Variants in CELF2 observed in about 807,000 individuals in gnomAD.
The protein encoded by CELF2 is CUG triplet repeat RNA-binding protein 2.
Under a neutral mutation model 62.6 loss-of-function variants are expected in CELF2, and 8 were observed. The observed-to-expected ratio is 0.13, with a 90% CI of 0.07 to 0.23. The LOEUF (loss-of-function observed/expected upper bound fraction) is 0.23. CELF2 is among the 10% of genes least tolerant of loss of function. CELF2 has a pLI of 1.00. For synonymous variants in CELF2, 258 were observed against 250.0 expected, an observed-to-expected ratio of 1.03 and a Z score of -0.30; for missense variants, 333 against 671.0, an observed-to-expected ratio of 0.50 and a Z score of 5.56.
chr10:11,324,793 G>A lies in CELF2; in HGVS notation c.1295-1043G>A, dbSNP rs1169652434. Among the ~76,000 whole-genome samples the A allele has an allele frequency of 6.6e-6, 1 of 152,258 alleles. No individual in the cohort carries two copies. Among genetic ancestry groups the A allele is most frequent in the East Asian group, 1.9e-4 (1 of 5,184 alleles). ...CCTTCCCACATCTAGGGACCCCAGT[G>A]CAGCTATCCCCTGGGGTTGCCTAGT... On this transcript the variant is annotated intron_variant, in intron 11 of 12. Transcript: ENST00000633077. This position sits in a 1 kb window ranked among gnomAD's most constrained non-coding sequence, Gnocchi z 4.7.
At chr10:10,668,548 A>T in the CELF2 span, among the ~76,000 whole-genome samples, 2 of 152,228 alleles carry the variant, frequency 1.3e-5, no homozygotes, top group Admixed American at 1.3e-4. Context: ...CATGTCAAAG[A>T]CACTTAATAT....
At chr10:10,757,923 A>G in the CELF2 span, among the ~76,000 whole-genome samples, 4 of 151,994 alleles carry the variant, frequency 2.6e-5, no homozygotes, top group African/African-American at 9.7e-5. Flanking sequence ...CTAGGCCCCT[A>G]TGGAACCACA....
At chr10:11,215,460 G>A (rs2063089680) in intron 2 of CELF2, among the ~76,000 whole-genome samples, 1 of 152,138 alleles carries the variant, frequency 6.6e-6, no homozygotes, top group African/African-American at 2.4e-5. Context: ...AACTGGCATC[G>A]GTTTTTCATC....
intron 2 of CELF2, among the ~76,000 whole-genome samples, chr10:10,965,140 T>G (rs1326001839): frequency 6.6e-6 from 1 of 152,238 alleles, no homozygotes; most frequent in Admixed American, 6.5e-5. Context: ...TCATTATTAT[T>G]TATTTGTAAG....
chr10:10,961,931 A>C lies in CELF2; in HGVS notation c.89+41932A>C, dbSNP rs192292397. ...CCAAAAAACTAATCTCAAATTAACA[A>C]AGGCTGTCCTCTTACAGCCAGGTGC... On this transcript the variant is annotated intron_variant, in intron 2 of 13. Transcript: ENST00000636488. Among the ~76,000 whole-genome samples, 381 of 151,568 alleles carry C rather than the reference A, an allele frequency of 2.5e-3. 4 individuals are homozygous for C. The highest frequency in any genetic ancestry group is 8.8e-3 in the African/African-American group (364 of 41,346).
At chr10:10,630,602 A>T in the CELF2 span, among the ~76,000 whole-genome samples, 1 of 152,212 alleles carries the variant, frequency 6.6e-6, no homozygotes, top group South Asian at 2.1e-4. Flanking sequence ...TTTTGTAGCC[A>T]CTAAACCAAC....
chr10:11,226,600 CCACACACACA>C (rs59521803), intron 3 of CELF2, among the ~76,000 whole-genome samples: 1,503 of 25,914 alleles, frequency 0.058, 9 homozygotes, highest in Non-Finnish European at 0.15. Context: ...CAGGCAGTGG[CCACACACACA>C]CACACACACA....
chr10:11,103,845 C>T (rs945384932), intron 1 of CELF2, among the ~76,000 whole-genome samples: 2 of 152,094 alleles, frequency 1.3e-5, no homozygotes, highest in South Asian at 2.1e-4. Flanking sequence ...AGTAGAAACT[C>T]TTCTGAGACA....
chr10:10,978,498 T>C (rs1328347485), intron 2 of CELF2, among the ~76,000 whole-genome samples: 1 of 152,226 alleles, frequency 6.6e-6, no homozygotes, highest in African/African-American at 2.4e-5. Flanking sequence ...CTTAGGTCTC[T>C]GACGTGGTTT....
intron 5 of CELF2, among the ~76,000 whole-genome samples, chr10:11,261,542 G>A (rs779536967): frequency 7.2e-5 from 11 of 151,966 alleles, no homozygotes; most frequent in Non-Finnish European, 1.0e-4. Context: ...AAATTGTCAC[G>A]ACTCTACGTG....
chr10:10,685,707 A>G, the CELF2 span, among the ~76,000 whole-genome samples: 4 of 152,328 alleles, frequency 2.6e-5, no homozygotes, highest in East Asian at 7.7e-4. Context: ...TCCTACTGAG[A>G]AAGAAGCCAG....
intron 8 of CELF2, among the ~76,000 whole-genome samples, chr10:11,279,645 T>C (rs2087537747): frequency 6.6e-6 from 1 of 152,214 alleles, no homozygotes; most frequent in Non-Finnish European, 1.5e-5. Flanking sequence ...TCATGCTTAT[T>C]GATATGCAGA....
At chr10:10,730,068 G>A in the CELF2 span, among the ~76,000 whole-genome samples, 34,472 of 152,050 alleles carry the variant, frequency 0.23, 4,481 homozygotes, top group South Asian at 0.43. Context: ...CCAAGATTAC[G>A]GAAGTTCTGG....
chr10:10,467,192 T>C, the CELF2 span, among the ~76,000 whole-genome samples: 4 of 152,106 alleles, frequency 2.6e-5, no homozygotes, highest in Admixed American at 2.0e-4. Context: ...TCCTAAGTGC[T>C]TCTCTATAAA....
the CELF2 span, among the ~76,000 whole-genome samples, chr10:10,710,732 C>T: frequency 3.3e-5 from 5 of 151,960 alleles, no homozygotes; most frequent in African/African-American, 7.3e-5. Context: ...AAAAACTTCA[C>T]GAGAAACACT....
intron 8 of CELF2, among the ~76,000 whole-genome samples, chr10:11,278,811 A>G (rs574760317): frequency 1.3e-5 from 2 of 152,352 alleles, no homozygotes; most frequent in East Asian, 3.9e-4. Context: ...AAATATCACA[A>G]CAACCTGATG....
chr10:10,780,793 T>TCTA, the CELF2 span, among the ~76,000 whole-genome samples: 3,427 of 152,344 alleles, frequency 0.022, 115 homozygotes, highest in African/African-American at 0.072. Context: ...GGGAAACACT[T>TCTA]AAGCCAAGGG....
intron 3 of CELF2, among the ~76,000 whole-genome samples, chr10:11,232,340 T>G (rs1462891043): frequency 6.6e-6 from 1 of 152,188 alleles, no homozygotes; most frequent in African/African-American, 2.4e-5. Flanking sequence ...CAGTGACACA[T>G]TTTTGGAGAC....
At chr10:10,894,129 G>A (rs2062368011) in intron 1 of CELF2, among the ~76,000 whole-genome samples, 1 of 151,734 alleles carries the variant, frequency 6.6e-6, no homozygotes, top group Admixed American at 6.6e-5. Flanking sequence ...AAAAAAAAAA[G>A]GCCAAATGAT....
Sources: gnomAD v4.1 joint callset for allele counts (sites outside exome capture counted in the v4.1 genomes callset) on GRCh38, gnomAD v4.1.1 for gene constraint, Gnocchi (gnomAD v3.1) non-coding constraint, MANE v1.5 for transcripts, NCBI Gene and HGNC (gene_info 2026-07-23, HGNC 2026-07-21) for gene names.